TTC28: variants seen among roughly 807,000 people sequenced by gnomAD.
TTC28 encodes the protein tetratricopeptide repeat domain 28, also known as tetratricopeptide repeat protein 28.
Under a neutral mutation model 198.0 loss-of-function variants are expected in TTC28, and 61 were observed. The observed-to-expected ratio is 0.31, with a 90% CI of 0.25 to 0.38. The LOEUF is 0.38. Among genes scored for constraint, TTC28 ranks in the 10% least tolerant of loss-of-function variants. TTC28 has a pLI of 1.00. For synonymous variants in TTC28, 1,171 were observed against 1,297.8 expected (o/e 0.90, Z 2.10); for missense variants, 2,678 against 3,164.0 (o/e 0.85, Z 3.69).
At chr22:28,570,059 G>A (rs1249275094) in intron 2 of TTC28, among the ~76,000 whole-genome samples, 2 of 152,302 alleles carry the variant, frequency 1.3e-5, no homozygotes, top group East Asian at 1.9e-4. Flanking sequence ...CATAACAGAC[G>A]TTGACGAGGC....
chr22:28,549,259 C>G (rs938489292), intron 2 of TTC28, among the ~76,000 whole-genome samples: 14 of 152,062 alleles, frequency 9.2e-5, no homozygotes, highest in African/African-American at 3.4e-4. Context: ...AAACTTCTGA[C>G]CTCAGGTGAT....
intron 5 of TTC28, among the ~76,000 whole-genome samples, chr22:28,289,736 A>T (rs1029344033): frequency 7.2e-5 from 11 of 152,132 alleles, no homozygotes; most frequent in Admixed American, 1.3e-4. Context: ...TTTAAAAAAA[A>T]TTTTTTTGTG....
At chr22:28,537,861 C>T (rs982863859) in intron 2 of TTC28, among the ~76,000 whole-genome samples, 2 of 151,906 alleles carry the variant, frequency 1.3e-5, no homozygotes, top group African/African-American at 4.8e-5. Flanking sequence ...AGAAGCTGTG[C>T]GCAGTGTACA....
At chr22:28,679,473 C>G in intron 1 of TTC28, 149 bp downstream of exon 1, 1 of 517,638 alleles carries the variant, frequency 1.9e-6, no homozygotes, top group Non-Finnish European at 3.3e-6. Flanking sequence ...CCAGGTCCCG[C>G]CGCCTCACGG....
At chr22:28,083,846 G>A (rs1280137334) in intron 12 of TTC28, among the ~76,000 whole-genome samples, 1 of 152,234 alleles carries the variant, frequency 6.6e-6, no homozygotes, top group African/African-American at 2.4e-5. Flanking sequence ...CTTAACAAAT[G>A]GCACACTAGG....
intron 1 of TTC28, among the ~76,000 whole-genome samples, chr22:28,662,042 G>C (rs1327817669): frequency 6.6e-6 from 1 of 152,110 alleles, no homozygotes; most frequent in Non-Finnish European, 1.5e-5. Context: ...GCCTGGCTCA[G>C]TTTTGTAACT....
chr22:28,237,275 T>C (rs1195422891), intron 5 of TTC28, among the ~76,000 whole-genome samples: 4 of 152,180 alleles, frequency 2.6e-5, no homozygotes, highest in Non-Finnish European at 4.4e-5. Context: ...TCCTAACGTG[T>C]CCACTGCATG....
chr22:28,030,208 A>T lies in TTC28; in HGVS notation c.4073+18T>A. 1 of 1,551,226 alleles carries T rather than the reference A, an allele frequency of 6.4e-7. No homozygotes were observed. The highest frequency in any genetic ancestry group is 1.2e-5 in the South Asian group (1 of 84,014). ...ACCCTGCCCTGCACTGGGCCTGGGGAAAGCGCCCCACACTCACCTGTTAAA... is the reference window on the plus strand; with the variant it reads ...ACCCTGCCCTGCACTGGGCCTGGGGTAAGCGCCCCACACTCACCTGTTAAA... On this transcript the variant is annotated intron_variant, in intron 13 of 22. Coordinates refer to ENST00000397906, the MANE Select transcript of TTC28 (RefSeq NM_001145418.2).
At chr22:28,060,202 C>A (rs1031734021) in intron 12 of TTC28, among the ~76,000 whole-genome samples, 1 of 152,040 alleles carries the variant, frequency 6.6e-6, no homozygotes. Context: ...CACCCATTAA[C>A]TCATCATTTA....
chr22:28,094,223 G>C lies in TTC28; in HGVS notation c.3789C>G (p.His1263Gln). The stretch of plus-strand genomic sequence containing the variant: ...TTTCCACTGTGTTCTCACCCAGGTA[G>C]TGTTCATGAAACTTCACAATTCCTG... ...PGAGIVKFHEHYLGENTVENS... is the reference protein window; with the variant it reads ...PGAGIVKFHEQYLGENTVENS... Residue 1263 changes from histidine to glutamine, a missense_variant, in exon 12 of 23, where the codon CAC (histidine) becomes CAG (glutamine). By Grantham distance (24) the His-to-Gln change is conservative (BLOSUM62 0). Around this residue, in one of 8 missense-constraint regions of TTC28, gnomAD observed 727 missense variants for 861.9 expected, o/e 0.84. Coordinates refer to ENST00000397906, the MANE Select transcript of TTC28 (RefSeq NM_001145418.2). 2 of 1,548,464 alleles carry C rather than the reference G, an allele frequency of 1.3e-6. No homozygotes were observed. The highest frequency in any genetic ancestry group is 1.7e-6 in the Non-Finnish European group (2 of 1,145,942).
intron 5 of TTC28, among the ~76,000 whole-genome samples, chr22:28,214,266 T>A (rs1047705372): frequency 6.6e-6 from 1 of 151,582 alleles, no homozygotes; most frequent in Non-Finnish European, 1.5e-5. Context: ...GCAACAAAAG[T>A]CAAAATTGAC....
chr22:28,387,589 G>A (rs1389047400), intron 2 of TTC28, among the ~76,000 whole-genome samples: 1 of 152,118 alleles, frequency 6.6e-6, no homozygotes, highest in East Asian at 1.9e-4. Context: ...TTTCTCTGAT[G>A]GCCAGTGATG....
At chr22:28,314,748 C>T (rs2045324663) in intron 2 of TTC28, among the ~76,000 whole-genome samples, 1 of 152,130 alleles carries the variant, frequency 6.6e-6, no homozygotes, top group Non-Finnish European at 1.5e-5. Flanking sequence ...TGGCATGTGC[C>T]TGTAGTCCTA....
chr22:28,530,008 A>C (rs768657597), intron 2 of TTC28, among the ~76,000 whole-genome samples: 14 of 152,230 alleles, frequency 9.2e-5, no homozygotes, highest in Non-Finnish European at 1.3e-4. Flanking sequence ...TTCTCCTCCA[A>C]AGGAACGAAG....
At chr22:28,010,628 G>C (rs1938115430) in intron 14 of TTC28, among the ~76,000 whole-genome samples, 3 of 152,160 alleles carry the variant, frequency 2.0e-5, no homozygotes, top group Admixed American at 2.0e-4. Context: ...CCATGCTCAG[G>C]GGTGGGGCCT....
chr22:28,152,685 T>C (rs1448859338), intron 6 of TTC28, among the ~76,000 whole-genome samples: 2 of 152,248 alleles, frequency 1.3e-5, no homozygotes, highest in Non-Finnish European at 2.9e-5. Flanking sequence ...TTATTTAGAA[T>C]ATGACCCCAT....
chr22:28,145,177 A>G (rs1039035051), intron 6 of TTC28, among the ~76,000 whole-genome samples: 10 of 152,230 alleles, frequency 6.6e-5, no homozygotes, highest in African/African-American at 2.4e-4. Flanking sequence ...AGTCATATTA[A>G]TACGGCTCTA....
At chr22:28,388,045 T>C (rs2046643544) in intron 2 of TTC28, among the ~76,000 whole-genome samples, 1 of 152,230 alleles carries the variant, frequency 6.6e-6, no homozygotes, top group Non-Finnish European at 1.5e-5. Flanking sequence ...AGGGATCCAG[T>C]TTCAGCTATC....
Position 27,978,846 on chromosome 22 carries a change from G to C in TTC28, c.*3375C>G, listed in dbSNP as rs962826188. The C allele has an allele frequency of 6.6e-6, 1 of 152,246 alleles. No homozygotes were observed. The allele number at this position is 152,246 out of a possible 1,614,324, so 9.4% of individuals were successfully genotyped here. ...TCCTGCTGAGGTTTCTAAGAGAGGG[G>C]AGTTGTACGGCTTATAGTCATTGTA... On this transcript the variant is annotated 3_prime_UTR_variant, in exon 23 of 23. Transcript: ENST00000397906.
Sources: allele counts gnomAD v4.1 joint callset (sites outside exome capture counted in the v4.1 genomes callset), GRCh38; gene constraint gnomAD v4.1.1; regional missense constraint gnomAD v4.1.1; transcripts MANE v1.5; gene names NCBI Gene and HGNC (gene_info 2026-07-23, HGNC 2026-07-21).